The following MERTK variants were observed in gnomAD, a reference collection of about 807,000 sequenced individuals.
The protein encoded by MERTK is MER proto-oncogene, tyrosine kinase, also known as tyrosine-protein kinase Mer.
In MERTK, 69 loss-of-function variants were observed where a neutral mutation model predicts 99.3. The observed-to-expected ratio is 0.70, with a 90% CI of 0.57 to 0.85. The LOEUF is 0.85. Ranked by LOEUF, MERTK falls within the 40% of genes least tolerant of loss-of-function variation. The pLI, the probability that MERTK is intolerant of heterozygous loss-of-function variation, is 0.00. For synonymous variants in MERTK, 426 were observed against 467.6 expected, an observed-to-expected ratio of 0.91 and a Z score of 1.15; for missense variants, 1,125 against 1,249.4, an observed-to-expected ratio of 0.90 and a Z score of 1.50.
Position 111,957,826 on chromosome 2 carries a change from A to G in MERTK, c.758-7365A>G, listed in dbSNP as rs556329666. ...TGCTTCCTTTGGTAGAAAGATGGAC[A>G]CTAGGGAAAAAAGAAAAAGAAGGGA... is the stretch of plus-strand genomic sequence containing the variant. On this transcript the variant is annotated intron_variant, in intron 4 of 18. Transcript: ENST00000295408. Among the ~76,000 whole-genome samples, 4 of 152,322 alleles carry G rather than the reference A, an allele frequency of 2.6e-5. No individual in the cohort carries two copies. The East Asian group carries it at 7.7e-4, about 29-fold the overall frequency.
At chr2:111,932,622 G>A (rs552912614) in intron 2 of MERTK, among the ~76,000 whole-genome samples, 3 of 152,300 alleles carry the variant, frequency 2.0e-5, no homozygotes, top group African/African-American at 7.2e-5. Context: ...AGTTGTAAGA[G>A]TTAAAGAAAG....
chr2:111,995,233 C>G (rs1054619496), intron 9 of MERTK: 1 of 155,494 alleles, frequency 6.4e-6, no homozygotes, highest in African/African-American at 2.4e-5. Context: ...CCCAGCCATG[C>G]GTGTTGGCTT....
At position 111,919,182 on chromosome 2, in the gene MERTK, G is replaced by A. The variant is rs575346756; in HGVS notation, c.62-9938G>A. On this transcript the variant is annotated intron_variant, in intron 1 of 18. Coordinates refer to ENST00000295408, the MANE Select transcript of MERTK (RefSeq NM_006343.3). ...CTCCTCATCTCCTAAAGCACGTGCA[G>A]TCAAACCTGGGCCCTCTGCATGAGG... Among the ~76,000 whole-genome samples the A allele has an allele frequency of 5.3e-5, 8 of 152,208 alleles. No homozygotes were observed. In the South Asian group the frequency reaches 1.7e-3, roughly 32 times the overall value.
intron 2 of MERTK, chr2:111,941,087 A>G: frequency 2.4e-6 from 1 of 412,224 alleles, no homozygotes; most frequent in Non-Finnish European, 4.7e-6. Context: ...TTTGGCAAGG[A>G]GCTTATCCGT....
rs372115893 is a variant in MERTK at position 111,980,466 on chromosome 2, C to T, written c.1145-2376C>T. Among the ~76,000 whole-genome samples the T allele has an allele frequency of 4.7e-5, 7 of 149,006 alleles. No homozygotes were observed. The East Asian group carries it at 5.9e-4, about 13-fold the overall frequency. ...CGGAGTCTCGCTCTTTCGCCCAGGC[C>T]GGACTGCAGTGGCACAATCTCGGCT... On this transcript the variant is annotated intron_variant, in intron 7 of 18. Transcript: ENST00000295408.
chr2:112,021,566 A>G lies in MERTK; in HGVS notation c.2334A>G (p.Thr778=). 1 of 1,613,406 alleles carries G rather than the reference A, an allele frequency of 6.2e-7. No individual in the cohort carries two copies. Among genetic ancestry groups the G allele is most frequent in the Non-Finnish European group, 8.5e-7 (1 of 1,179,522 alleles). ...AIESLADRVY[T]SKSDVWAFGV... is the part of the protein sequence containing the mutation. ...AAAGTCTTGCAGACCGAGTCTACAC[A>G]AGTAAAAGTGATGTGGTATGTACAC... The change falls in exon 17 of 19, where the codon ACA becomes ACG. Residue 778 remains threonine (T), a synonymous_variant. Coordinates refer to ENST00000295408, the MANE Select transcript of MERTK (RefSeq NM_006343.3).
At chr2:112,019,304 A>G (rs1469916634) in intron 15 of MERTK, 109 bp from the exon 16 acceptor site, 2 of 827,842 alleles carry the variant, frequency 2.4e-6, no homozygotes, top group African/African-American at 1.7e-5. Context: ...TCCTTATTTC[A>G]TCACTACACT....
At chr2:111,944,056 T>A (rs1366694781) in intron 2 of MERTK, among the ~76,000 whole-genome samples, 6 of 152,036 alleles carry the variant, frequency 3.9e-5, no homozygotes, top group Non-Finnish European at 8.8e-5. Context: ...CCTAGCACTT[T>A]GGGAGGCCAA....
chr2:111,983,454 G>T (rs1033470570), intron 8 of MERTK, among the ~76,000 whole-genome samples: 3 of 152,190 alleles, frequency 2.0e-5, no homozygotes, highest in Non-Finnish European at 1.5e-5. Context: ...ATAGAGAATG[G>T]CAAGAAGTAA....
chr2:112,004,649 C>T (rs187135506), intron 13 of MERTK, among the ~76,000 whole-genome samples: 27 of 152,252 alleles, frequency 1.8e-4, no homozygotes, highest in Admixed American at 7.2e-4. Context: ...CGGTGGCTCA[C>T]GCCTGGAATC....
At chr2:112,022,172 T>C in intron 17 of MERTK, 86 bp from the exon 18 acceptor site, 1 of 1,579,362 alleles carries the variant, frequency 6.3e-7, no homozygotes, top group Non-Finnish European at 8.7e-7. Flanking sequence ...CATCAGTGTT[T>C]AAGGAAATGA....
At chr2:111,944,847 CAT>C in intron 2 of MERTK, 111 bp from the exon 3 acceptor site, 1 of 884,640 alleles carries the variant, frequency 1.1e-6, no homozygotes, top group East Asian at 2.7e-5. Context: ...GCCAAGCTGA[CAT>C]ATAAAATTAA....
intron 9 of MERTK, chr2:111,994,611 A>T: frequency 1.5e-6 from 1 of 680,976 alleles, no homozygotes. Context: ...CTCTACAAAA[A>T]ATATATGTAT....
intron 2 of MERTK, among the ~76,000 whole-genome samples, chr2:111,931,109 C>A (rs1458873182): frequency 6.6e-6 from 1 of 152,196 alleles, no homozygotes; most frequent in East Asian, 1.9e-4. Context: ...TTTAGTGAAT[C>A]ATTTTGTTTC....
chr2:111,947,880 G>T lies in MERTK; in HGVS notation c.757+313G>T, dbSNP rs149884626. 5.0e-3 allele frequency among the ~76,000 whole-genome samples: 756 copies of T among 152,270 alleles called. 4 individuals carry two copies. Among genetic ancestry groups the T allele is most frequent in the Non-Finnish European group, 8.9e-3 (602 of 68,022 alleles). On this transcript the variant is annotated intron_variant, in intron 4 of 18. Transcript: ENST00000295408. Reference sequence around the variant, plus strand: ...TCCCATTGTAGCTGTGGCCTTGCTGGTCTGTCAGGTCTTGCGTTTATGGAA... The same window carrying T: ...TCCCATTGTAGCTGTGGCCTTGCTGTTCTGTCAGGTCTTGCGTTTATGGAA...
intron 15 of MERTK, 148 bp from the exon 16 acceptor site, chr2:112,019,265 A>G: frequency 2.6e-6 from 2 of 776,454 alleles, no homozygotes; most frequent in Non-Finnish European, 4.7e-6. Flanking sequence ...TATTTGTGAT[A>G]TTAGTGATAT....
At chr2:111,930,473 A>G (rs1038058608) in intron 2 of MERTK, 1 of 152,336 alleles carries the variant, frequency 6.6e-6, no homozygotes, top group African/African-American at 2.4e-5. Flanking sequence ...CTCAAAAAAA[A>G]AAAACCCCCA....
chr2:111,937,864 A>C (rs1238771166), intron 2 of MERTK, among the ~76,000 whole-genome samples: 5 of 151,952 alleles, frequency 3.3e-5, no homozygotes, highest in Admixed American at 3.3e-4. Flanking sequence ...GGGCGCTTAC[A>C]GTGGACCTAT....
intron 16 of MERTK, chr2:112,020,790 T>C (rs1410501952): frequency 2.4e-6 from 1 of 415,070 alleles, no homozygotes; most frequent in Non-Finnish European, 4.8e-6. Flanking sequence ...GAGCTGCTGC[T>C]CTTTCTGCTC....
Sources: allele counts gnomAD v4.1 joint callset (sites outside exome capture counted in the v4.1 genomes callset), GRCh38; gene constraint gnomAD v4.1.1; transcripts MANE v1.5; gene names NCBI Gene and HGNC (gene_info 2026-07-23, HGNC 2026-07-21).